SCN8A: variants seen among roughly 807,000 people sequenced by gnomAD.
SCN8A encodes the protein sodium voltage-gated channel alpha subunit 8.
A neutral mutation model predicts 184.1 loss-of-function variants in SCN8A; 30 were observed. That is an observed-to-expected ratio of 0.16 (90% CI 0.12 to 0.22). SCN8A has a LOEUF of 0.22. SCN8A is among the 10% of genes least tolerant of loss of function. The probability of loss-of-function intolerance (pLI) is 1.00; values close to 1 mark genes in which losing one functional copy is unlikely to be tolerated. For synonymous variants in SCN8A, 852 were observed against 907.0 expected, an observed-to-expected ratio of 0.94 and a Z score of 1.09; for missense variants, 1,057 against 2,498.9, an observed-to-expected ratio of 0.42 and a Z score of 12.30.
At chr12:51,772,457 G>A (rs778329570) in intron 19 of SCN8A, among the ~76,000 whole-genome samples, 9 of 151,906 alleles carry the variant, frequency 5.9e-5, no homozygotes, top group Admixed American at 1.3e-4. Context: ...AAACTAGAAC[G>A]TGGTTACAAT....
chr12:51,600,593 C>T (rs72644888), intron 1 of SCN8A, among the ~76,000 whole-genome samples: 3,365 of 152,168 alleles, frequency 0.022, 183 homozygotes, highest in East Asian at 0.18. Context: ...GGGTACAAGA[C>T]GGTGGCCAGA....
chr12:51,734,716 T>A (rs766545584), intron 12 of SCN8A, among the ~76,000 whole-genome samples: 1 of 152,236 alleles, frequency 6.6e-6, no homozygotes, highest in Non-Finnish European at 1.5e-5. Flanking sequence ...CCAACGTGTC[T>A]CCCTTCTTTG....
At chr12:51,597,690 A>C (rs1372979751) in intron 1 of SCN8A, among the ~76,000 whole-genome samples, 1 of 152,192 alleles carries the variant, frequency 6.6e-6, no homozygotes, top group Admixed American at 6.5e-5. Flanking sequence ...CCTTATTTTA[A>C]TAGTATAGAC....
At chr12:51,643,304 C>T (rs1040952675) in intron 1 of SCN8A, among the ~76,000 whole-genome samples, 11 of 152,108 alleles carry the variant, frequency 7.2e-5, no homozygotes, top group Non-Finnish European at 1.3e-4. Flanking sequence ...GTATTTTCTT[C>T]GAGTTCGAGT....
At chr12:51,759,215 T>TA (rs1942727370) in intron 14 of SCN8A, among the ~76,000 whole-genome samples, 1 of 151,416 alleles carries the variant, frequency 6.6e-6, no homozygotes, top group African/African-American at 2.4e-5. Context: ...TTTTCCATAT[T>TA]AAAAAATATA....
chr12:51,627,512 G>T (rs944668861), intron 1 of SCN8A, among the ~76,000 whole-genome samples: 1 of 152,150 alleles, frequency 6.6e-6, no homozygotes, highest in Admixed American at 6.5e-5. Flanking sequence ...CTCCCAAGTA[G>T]CTGGGATTAC....
chr12:51,697,325 A>T (rs1362151907), intron 6 of SCN8A, among the ~76,000 whole-genome samples: 1 of 152,118 alleles, frequency 6.6e-6, no homozygotes, highest in Non-Finnish European at 1.5e-5. Flanking sequence ...AATTCCTCTT[A>T]GATCCCTTTT....
intron 4 of SCN8A, 124 bp downstream of exon 4, chr12:51,686,581 G>A (rs1354408629): frequency 1.4e-5 from 9 of 663,162 alleles, no homozygotes; most frequent in Admixed American, 2.7e-5. Context: ...TTATTTCACA[G>A]AGAAGGCTGA....
chr12:51,591,451 C>T (rs997148766), intron 1 of SCN8A, 92 bp downstream of exon 1: 15 of 152,896 alleles, frequency 9.8e-5, no homozygotes, highest in African/African-American at 3.6e-4. Context: ...GCTCGCCCAT[C>T]TCCAGTCAGG....
chr12:51,719,576 A>G (rs963456283), intron 11 of SCN8A, among the ~76,000 whole-genome samples: 1 of 91,710 alleles, frequency 1.1e-5, no homozygotes, highest in African/African-American at 4.4e-5. Context: ...TCCCTCCTGT[A>G]ATCCCAGCAC....
At chr12:51,604,693 A>G (rs1052690077) in intron 1 of SCN8A, among the ~76,000 whole-genome samples, 1 of 151,738 alleles carries the variant, frequency 6.6e-6, no homozygotes, top group African/African-American at 2.4e-5. Flanking sequence ...ACACCTGGCT[A>G]ATTTTGTATT....
chr12:51,728,517 T>G lies in SCN8A; in HGVS notation c.1998+6609T>G, dbSNP rs1272159273. ...GGGAGGCTGAGGCAGGAAAATTGCT[T>G]GAACCCAGGAGTTTGAGACTAGCCT... is the stretch of plus-strand genomic sequence containing the variant. On this transcript the variant is annotated intron_variant, in intron 12 of 26. Transcript: ENST00000627620. 3.3e-5 allele frequency among the ~76,000 whole-genome samples: 5 copies of G among 152,140 alleles called. No individual in the cohort carries two copies. The East Asian group carries it at 7.7e-4, about 23-fold the overall frequency.
At chr12:51,739,583 G>A (rs867838702) in intron 12 of SCN8A, among the ~76,000 whole-genome samples, 2 of 152,032 alleles carry the variant, frequency 1.3e-5, no homozygotes, top group African/African-American at 4.8e-5. Flanking sequence ...AAGGTGAAAC[G>A]AACCAGACCC....
At chr12:51,637,967 CTT>C (rs1940355504) in intron 1 of SCN8A, among the ~76,000 whole-genome samples, 1 of 152,112 alleles carries the variant, frequency 6.6e-6, no homozygotes, top group South Asian at 2.1e-4. Flanking sequence ...CAGCTGGTGA[CTT>C]TAAGTGGAAG....
rs78039558 is a variant in SCN8A at position 51,811,964 on chromosome 12, C to G, written c.*4535C>G. ...GTTCATTTTCAGGTACTCCCCACCC[C>G]CTAAAGAATTGGCTGCAACTTGCCA... On this transcript the variant is annotated 3_prime_UTR_variant, in exon 27 of 27. Coordinates refer to ENST00000627620, the MANE Select transcript of SCN8A (RefSeq NM_001330260.2). 8 of 152,268 alleles carry G rather than the reference C, an allele frequency of 5.3e-5. No homozygotes were observed. The highest frequency in any genetic ancestry group is 2.1e-4 in the South Asian group (1 of 4,812). 9.4% of individuals were successfully genotyped at this position (152,268 alleles called of 1,614,324 possible).
intron 2 of SCN8A, among the ~76,000 whole-genome samples, chr12:51,682,893 A>C (rs945408187): frequency 6.6e-6 from 1 of 152,036 alleles, no homozygotes; most frequent in Non-Finnish European, 1.5e-5. Flanking sequence ...CCTAAAAAAA[A>C]CCTGCAGCTA....
chr12:51,625,327 A>G (rs1940055588), intron 1 of SCN8A, among the ~76,000 whole-genome samples: 2 of 152,220 alleles, frequency 1.3e-5, no homozygotes, highest in African/African-American at 4.8e-5. Flanking sequence ...AGATTCACTC[A>G]TATTGTTGCA....
intron 26 of SCN8A, among the ~76,000 whole-genome samples, chr12:51,801,285 T>C (rs987197162): frequency 6.6e-6 from 1 of 152,180 alleles, no homozygotes; most frequent in Admixed American, 6.5e-5. Flanking sequence ...ATTTAAATTA[T>C]CCAGTTAAGT....
At chr12:51,702,270 C>T (rs1362031614) in intron 8 of SCN8A, among the ~76,000 whole-genome samples, 3 of 146,808 alleles carry the variant, frequency 2.0e-5, no homozygotes, top group Non-Finnish European at 3.0e-5. Context: ...TGCAGTGACC[C>T]GAGATCATGC....
Sources: gnomAD v4.1 joint callset for allele counts (sites outside exome capture counted in the v4.1 genomes callset) on GRCh38, gnomAD v4.1.1 for gene constraint, MANE v1.5 for transcripts, NCBI Gene and HGNC (gene_info 2026-07-23, HGNC 2026-07-21) for gene names.